Variants in CLEC16A observed in about 807,000 individuals in gnomAD.
CLEC16A encodes C-type lectin domain containing 16A.
Under a neutral mutation model 109.5 loss-of-function variants are expected in CLEC16A, and 51 were observed. The ratio of observed to expected loss-of-function variants is 0.47; its 90% CI spans 0.37 to 0.59. The LOEUF (loss-of-function observed/expected upper bound fraction) is 0.59, where lower values mean the gene tolerates loss of function less well. Ranked by LOEUF, CLEC16A falls within the 20% of genes least tolerant of loss-of-function variation. The pLI, the probability that CLEC16A is intolerant of heterozygous loss-of-function variation, is 0.00. For synonymous variants in CLEC16A, 673 were observed against 564.2 expected, an observed-to-expected ratio of 1.19 and a Z score of -2.73; for missense variants, 1,339 against 1,394.0, an observed-to-expected ratio of 0.96 and a Z score of 0.63.
chr16:11,058,156 T>C (rs2048304133), intron 18 of CLEC16A, among the ~76,000 whole-genome samples: 1 of 152,204 alleles, frequency 6.6e-6, no homozygotes, highest in Admixed American at 6.5e-5. Flanking sequence ...CTCCCCGCCC[T>C]GTGGGAATCG....
chr16:10,970,857 C>T (rs2042747996), intron 4 of CLEC16A, among the ~76,000 whole-genome samples: 1 of 152,240 alleles, frequency 6.6e-6, no homozygotes, highest in Admixed American at 6.5e-5. Flanking sequence ...AGCCAACCTC[C>T]CACCTCAGCC....
In CLEC16A at chr16:11,174,948, C is replaced by A. The variant is rs78848704; in HGVS notation, c.2807-3387C>A. ...CATCCCTGCTGCCTCCCCTATGACG[C>A]TTCTTCTGTGGTTTCTGATGCGCTT... is the stretch of plus-strand genomic sequence containing the variant. On this transcript the variant is annotated intron_variant, in intron 23 of 23. Transcript: ENST00000409790. This position sits in a 1 kb window ranked among gnomAD's most constrained non-coding sequence, Gnocchi z 4.7. Among the ~76,000 whole-genome samples the A allele has an allele frequency of 6.6e-6, 1 of 152,244 alleles. No individual in the cohort carries two copies. Among genetic ancestry groups the A allele is most frequent in the African/African-American group, 2.4e-5 (1 of 41,466 alleles).
intron 19 of CLEC16A, among the ~76,000 whole-genome samples, chr16:11,065,072 C>T (rs534809278): frequency 2.8e-4 from 42 of 152,294 alleles, no homozygotes; most frequent in African/African-American, 9.6e-4. Context: ...ATAGCTCTGG[C>T]TGCTTTGGCC....
intron 19 of CLEC16A, among the ~76,000 whole-genome samples, chr16:11,099,565 C>T (rs551300788): frequency 1.5e-4 from 23 of 152,234 alleles, no homozygotes; most frequent in Non-Finnish European, 2.8e-4. Context: ...TGGGCAGCAG[C>T]GCTGTCTAGC....
intron 22 of CLEC16A, among the ~76,000 whole-genome samples, chr16:11,164,151 TTCTC>T (rs1254827853): frequency 6.6e-6 from 1 of 152,082 alleles, no homozygotes; most frequent in Non-Finnish European, 1.5e-5. Flanking sequence ...CATCCTGCCT[TTCTC>T]TCCGCAAGCA....
chr16:10,980,500 C>T (rs1288767629), intron 9 of CLEC16A, among the ~76,000 whole-genome samples: 1 of 152,026 alleles, frequency 6.6e-6, no homozygotes, highest in African/African-American at 2.4e-5. Flanking sequence ...GGAAAGCATC[C>T]TCAGGACCCT....
At chr16:10,975,260 T>C (rs375528817) in intron 7 of CLEC16A, among the ~76,000 whole-genome samples, 66 of 151,912 alleles carry the variant, frequency 4.3e-4, no homozygotes, top group African/African-American at 1.6e-3. Flanking sequence ...ACCTAGGAGG[T>C]GGAGGTTGCA....
intron 22 of CLEC16A, among the ~76,000 whole-genome samples, chr16:11,128,548 C>G (rs2052987178): frequency 6.6e-6 from 1 of 152,232 alleles, no homozygotes; most frequent in Admixed American, 6.5e-5. Context: ...TGCCACTCAG[C>G]TATGAGGAGT....
intron 19 of CLEC16A, among the ~76,000 whole-genome samples, chr16:11,109,851 T>G (rs1311249767): frequency 6.6e-6 from 1 of 152,250 alleles, no homozygotes; most frequent in Non-Finnish European, 1.5e-5. Context: ...TTTACTGAAC[T>G]GCTAATTTAA....
rs1002354410 is a variant in CLEC16A at position 11,122,896 on chromosome 16, C to CTTTTTTTTTT, written c.2269-830_2269-821dup. Among the ~76,000 whole-genome samples the CTTTTTTTTTT allele has an allele frequency of 2.5e-3, 182 of 73,788 alleles. 7 individuals are homozygous for CTTTTTTTTTT. The highest frequency in any genetic ancestry group is 0.018 in the Middle Eastern group (1 of 56). The allele number at this position is 73,788 out of a possible 152,430, so 48.4% of individuals were successfully genotyped here. ...GCTCAATGACCTTCCCTATCCCTTTCTTTTTTTTTTTTTTTTTTTTTTTTT... is the reference window on the plus strand; with the variant it reads ...GCTCAATGACCTTCCCTATCCCTTTCTTTTTTTTTTTTTTTTTTTTTTTTTTTTTTTTTTT... On this transcript the variant is annotated intron_variant, in intron 20 of 23. Transcript: ENST00000409790.
At chr16:11,166,574 G>C (rs202084892) in intron 23 of CLEC16A, 22 bp downstream of exon 23, 4 of 1,555,398 alleles carry the variant, frequency 2.6e-6, no homozygotes, top group Admixed American at 3.7e-5. Context: ...GTGACTCAGT[G>C]ATATGGGGAC....
At chr16:11,099,512 C>A (rs140428310) in intron 19 of CLEC16A, among the ~76,000 whole-genome samples, 1 of 152,242 alleles carries the variant, frequency 6.6e-6, no homozygotes, top group Non-Finnish European at 1.5e-5. Context: ...CTGTACTAGA[C>A]AGCATGGTCG....
At chr16:10,971,302 G>A in intron 5 of CLEC16A, 72 bp downstream of exon 5, 1 of 1,111,010 alleles carries the variant, frequency 9.0e-7, no homozygotes, top group Non-Finnish European at 1.3e-6. Context: ...CCGTGTGTGT[G>A]CGTACAGTTC....
In CLEC16A at chr16:11,003,344, C is replaced by T. The variant is rs1278756465; in HGVS notation, c.1303+39C>T. On this transcript the variant is annotated intron_variant, in intron 11 of 23. Coordinates refer to ENST00000409790, the MANE Select transcript of CLEC16A (RefSeq NM_015226.3). ...TGAACGCCGCCCTGTGCCTGCGCCG[C>T]CAGCCAGCCCGCCAGCGAGGCTGCC... 6 of 1,557,642 alleles carry T rather than the reference C, an allele frequency of 3.9e-6. No homozygotes were observed. The South Asian group carries it at 5.6e-5, about 15-fold the overall frequency.
intron 22 of CLEC16A, among the ~76,000 whole-genome samples, chr16:11,164,583 T>C (rs11860459): frequency 1.1e-3 from 173 of 152,260 alleles, no homozygotes; most frequent in African/African-American, 4.0e-3. Context: ...CTGGGTGTCA[T>C]CCCCTGCACC....
In CLEC16A at chr16:11,126,016, C is replaced by G; in HGVS notation, c.2511C>G (p.Val837=). The change falls in exon 22 of 24, where the codon GTC becomes GTG. Residue 837 remains valine (V), a synonymous_variant. Coordinates refer to ENST00000409790, the MANE Select transcript of CLEC16A (RefSeq NM_015226.3). ...TCCCAATCCAGCCCACCACTGAAGTCCTGGGGTTTGGACTCGGCTCCTCCA... is the reference window on the plus strand; with the variant it reads ...TCCCAATCCAGCCCACCACTGAAGTGCTGGGGTTTGGACTCGGCTCCTCCA... ...LDLPIQPTTE[V]LGFGLGSSTS... is the part of the protein sequence containing the mutation. 6.2e-7 allele frequency: 1 copy of G among 1,613,450 alleles called. No individual in the cohort carries two copies. Among genetic ancestry groups the G allele is most frequent in the African/African-American group, 1.3e-5 (1 of 74,890 alleles).
At chr16:11,090,951 T>C (rs1401794210) in intron 19 of CLEC16A, among the ~76,000 whole-genome samples, 1 of 151,396 alleles carries the variant, frequency 6.6e-6, no homozygotes, top group Non-Finnish European at 1.5e-5. Flanking sequence ...ATTACAGGCA[T>C]GAGCCACGGT....
chr16:11,011,571 A>C (rs1473795768), intron 11 of CLEC16A, among the ~76,000 whole-genome samples: 1 of 152,056 alleles, frequency 6.6e-6, no homozygotes, highest in Non-Finnish European at 1.5e-5. Context: ...TGTCCTTGGA[A>C]TTAACCATTT....
chr16:10,973,887 C>CTTTTTTTTTTTTTTTTTTTTTT (rs569414844), intron 7 of CLEC16A, among the ~76,000 whole-genome samples: 1 of 46,586 alleles, frequency 2.1e-5, no homozygotes. Flanking sequence ...GGGCTGCTTG[C>CTTTTTTTTTTTTTTTTTTTTTT]TTTTTTTTTT....
Sources: allele counts gnomAD v4.1 joint callset (sites outside exome capture counted in the v4.1 genomes callset), GRCh38; gene constraint gnomAD v4.1.1; non-coding constraint Gnocchi (gnomAD v3.1); transcripts MANE v1.5; gene names NCBI Gene and HGNC (gene_info 2026-07-23, HGNC 2026-07-21).